Variants in CHSY3 observed in about 807,000 individuals in gnomAD.
CHSY3 encodes the protein N-acetylgalactosaminyl-proteoglycan 3-beta-glucuronosyltransferase 3.
In CHSY3, 35 loss-of-function variants were observed where a neutral mutation model predicts 67.2. The observed-to-expected ratio is 0.52, with a 90% CI of 0.40 to 0.69. The LOEUF (loss-of-function observed/expected upper bound fraction) is 0.69, where lower values mean the gene tolerates loss of function less well. Among genes scored for constraint, CHSY3 ranks in the 30% least tolerant of loss-of-function variants. The pLI, the probability that CHSY3 is intolerant of heterozygous loss-of-function variation, is 0.00. For synonymous variants in CHSY3, 474 were observed against 434.7 expected (o/e 1.09, Z -1.12); for missense variants, 1,069 against 1,138.5 (o/e 0.94, Z 0.88).
chr5:130,165,979 G>A (rs1403825743), intron 2 of CHSY3, among the ~76,000 whole-genome samples: 2 of 152,038 alleles, frequency 1.3e-5, no homozygotes, highest in African/African-American at 4.8e-5. Context: ...TCTGTAAACA[G>A]TATGTAAAAT....
chr5:130,118,773 T>C (rs576219939), intron 2 of CHSY3, among the ~76,000 whole-genome samples: 1 of 152,220 alleles, frequency 6.6e-6, no homozygotes, highest in South Asian at 2.1e-4. Context: ...TTTATTAAAG[T>C]GCTTTACCTA....
chr5:130,143,026 A>T (rs974983806), intron 2 of CHSY3, among the ~76,000 whole-genome samples: 1 of 152,224 alleles, frequency 6.6e-6, no homozygotes, highest in Non-Finnish European at 1.5e-5. Flanking sequence ...CTTACTTAAC[A>T]CATTGATCTA....
At chr5:129,944,447 G>T (rs998756575) in intron 2 of CHSY3, among the ~76,000 whole-genome samples, 2 of 151,196 alleles carry the variant, frequency 1.3e-5, no homozygotes, top group Non-Finnish European at 2.9e-5. Flanking sequence ...TGATTCTCCT[G>T]CCTCAGCCTC....
intron 1 of CHSY3, among the ~76,000 whole-genome samples, chr5:129,907,639 G>A (rs2431205): frequency 0.9 from 136,968 of 152,200 alleles, 61,758 homozygotes; most frequent in East Asian, 1. Flanking sequence ...TTAGTTAATG[G>A]CAAAACACTG....
intron 2 of CHSY3, among the ~76,000 whole-genome samples, chr5:130,156,813 A>G (rs924150818): frequency 6.6e-6 from 1 of 152,234 alleles, no homozygotes; most frequent in Non-Finnish European, 1.5e-5. Flanking sequence ...TTTGACACCC[A>G]TCTCTATGAC....
intron 2 of CHSY3, among the ~76,000 whole-genome samples, chr5:130,165,911 A>G (rs557710102): frequency 5.9e-5 from 9 of 152,126 alleles, no homozygotes; most frequent in Non-Finnish European, 1.2e-4. Context: ...CAATATATAA[A>G]GAATTGGAGA....
chr5:129,962,702 T>A (rs991123650), intron 2 of CHSY3, among the ~76,000 whole-genome samples: 1 of 152,002 alleles, frequency 6.6e-6, no homozygotes, highest in East Asian at 1.9e-4. Flanking sequence ...AGCAAAGAAA[T>A]CCTGCTTCCT....
intron 2 of CHSY3, among the ~76,000 whole-genome samples, chr5:130,088,735 A>T (rs997921375): frequency 3.3e-5 from 5 of 152,156 alleles, no homozygotes; most frequent in African/African-American, 7.2e-5. Context: ...GGTGCTGGAG[A>T]GGATGTGGAG....
intron 2 of CHSY3, among the ~76,000 whole-genome samples, chr5:130,178,222 TATA>T (rs2149735960): frequency 2.4e-5 from 2 of 82,216 alleles, no homozygotes; most frequent in South Asian, 3.7e-4. Context: ...TGTATATATT[TATA>T]TTTATATATA....
At chr5:129,997,854 G>A (rs1418542453) in intron 2 of CHSY3, among the ~76,000 whole-genome samples, 4 of 152,042 alleles carry the variant, frequency 2.6e-5, no homozygotes, top group Non-Finnish European at 5.9e-5. Context: ...TTTTCTTATG[G>A]CTGCATAGTA....
chr5:130,167,372 G>A (rs1769778042), intron 2 of CHSY3, among the ~76,000 whole-genome samples: 1 of 152,062 alleles, frequency 6.6e-6, no homozygotes, highest in Non-Finnish European at 1.5e-5. Context: ...ATTTTGAAAG[G>A]ATAGCTAATA....
chr5:129,979,161 C>T (rs1762899175), intron 2 of CHSY3, among the ~76,000 whole-genome samples: 1 of 142,296 alleles, frequency 7.0e-6, no homozygotes, highest in Admixed American at 7.3e-5. Flanking sequence ...GATCGCGCCC[C>T]TGCACTCCAG....
At chr5:129,965,271 G>T (rs1364648360) in intron 2 of CHSY3, among the ~76,000 whole-genome samples, 1 of 151,922 alleles carries the variant, frequency 6.6e-6, no homozygotes, top group Non-Finnish European at 1.5e-5. Context: ...TTAGAACTGA[G>T]ATTTGTCATC....
chr5:130,073,585 A>T (rs1424505181), intron 2 of CHSY3, among the ~76,000 whole-genome samples: 4 of 152,186 alleles, frequency 2.6e-5, no homozygotes, highest in African/African-American at 7.2e-5. Flanking sequence ...GAACCATTGT[A>T]TACTGCTGGT....
At chr5:130,124,403 A>G (rs1768187873) in intron 2 of CHSY3, among the ~76,000 whole-genome samples, 1 of 151,980 alleles carries the variant, frequency 6.6e-6, no homozygotes, top group African/African-American at 2.4e-5. Flanking sequence ...CTATTTTTGC[A>G]TCTTGCAAAT....
At chr5:130,135,270 G>GTA (rs148761971) in intron 2 of CHSY3, among the ~76,000 whole-genome samples, 7,445 of 149,618 alleles carry the variant, frequency 0.05, 420 homozygotes, top group East Asian at 0.27. Flanking sequence ...ATAAGTGTGT[G>GTA]TATATATATA....
intron 2 of CHSY3, among the ~76,000 whole-genome samples, chr5:130,105,951 A>T (rs990146530): frequency 2.6e-5 from 4 of 151,612 alleles, no homozygotes; most frequent in African/African-American, 9.7e-5. Flanking sequence ...CCAGAGAACT[A>T]GGTTGCTGTT....
chr5:130,098,428 G>A (rs1767122381), intron 2 of CHSY3, among the ~76,000 whole-genome samples: 1 of 152,140 alleles, frequency 6.6e-6, no homozygotes, highest in South Asian at 2.1e-4. Flanking sequence ...TTTGGCTTCA[G>A]TGCCTGTGAA....
At chr5:130,040,695 T>G (rs1279489752) in intron 2 of CHSY3, among the ~76,000 whole-genome samples, 1 of 152,114 alleles carries the variant, frequency 6.6e-6, no homozygotes, top group African/African-American at 2.4e-5. Context: ...ATGAGCAAAT[T>G]GTTAGGTTTC....
Sources: allele counts gnomAD v4.1 joint callset (sites outside exome capture counted in the v4.1 genomes callset), GRCh38; gene constraint gnomAD v4.1.1; transcripts MANE v1.5; gene names NCBI Gene and HGNC (gene_info 2026-07-23, HGNC 2026-07-21).